Variants in IKZF2 observed in about 807,000 individuals in gnomAD.
IKZF2 encodes IKAROS family zinc finger 2.
Under a neutral mutation model 49.2 loss-of-function variants are expected in IKZF2, and 15 were observed. The observed-to-expected ratio is 0.30, with a 90% CI of 0.20 to 0.47. The LOEUF is 0.47. Among genes scored for constraint, IKZF2 ranks in the 20% least tolerant of loss-of-function variants. The probability of loss-of-function intolerance (pLI) is 1.00; values close to 1 mark genes in which losing one functional copy is unlikely to be tolerated. For synonymous variants in IKZF2, 227 were observed against 221.4 expected (o/e 1.03, Z -0.23); for missense variants, 567 against 664.6 (o/e 0.85, Z 1.61).
chr2:213,090,272 T>C (rs1705153057), intron 4 of IKZF2, among the ~76,000 whole-genome samples: 1 of 152,192 alleles, frequency 6.6e-6, no homozygotes. Flanking sequence ...GTGCGGCCAG[T>C]AGTAGAGAGT....
chr2:213,051,835 G>T (rs1449587738), intron 5 of IKZF2, among the ~76,000 whole-genome samples: 1 of 151,922 alleles, frequency 6.6e-6, no homozygotes, highest in Non-Finnish European at 1.5e-5. Context: ...TCCCAAGCAA[G>T]TAACAAATTC....
intron 4 of IKZF2, chr2:213,081,154 G>T (rs570214465): frequency 1.3e-5 from 2 of 154,630 alleles, no homozygotes; most frequent in African/African-American, 2.4e-5. Context: ...ATAGGAGGTA[G>T]TTCAGAAAGA....
At chr2:213,008,965 A>G (rs1456304503) in intron 8 of IKZF2, among the ~76,000 whole-genome samples, 3 of 152,164 alleles carry the variant, frequency 2.0e-5, no homozygotes, top group South Asian at 2.1e-4. Context: ...ATAAAAATGA[A>G]TGAAATGTAG....
chr2:213,126,409 T>A (rs751194907), intron 4 of IKZF2, among the ~76,000 whole-genome samples: 1 of 152,110 alleles, frequency 6.6e-6, no homozygotes, highest in South Asian at 2.1e-4. Context: ...TCCTAGGAGG[T>A]ACCGGTAATA....
intron 4 of IKZF2, among the ~76,000 whole-genome samples, chr2:213,122,779 T>A (rs190017090): frequency 3.9e-5 from 6 of 152,322 alleles, no homozygotes; most frequent in Non-Finnish European, 7.4e-5. Context: ...CTAGCCTAGA[T>A]AATCAAAAGA....
At chr2:213,148,479 C>G in intron 3 of IKZF2, 117 bp downstream of exon 3, 1 of 690,034 alleles carries the variant, frequency 1.4e-6, no homozygotes, top group East Asian at 2.7e-5. Flanking sequence ...AAATTGTGAA[C>G]AGAGAGAAAA....
intron 4 of IKZF2, among the ~76,000 whole-genome samples, chr2:213,128,498 A>G (rs867086694): frequency 5.9e-5 from 9 of 152,208 alleles, no homozygotes; most frequent in Non-Finnish European, 1.2e-4. Flanking sequence ...CCAGGACTCC[A>G]AACCAGGTCT....
chr2:213,137,047 C>T (rs2060702079), intron 4 of IKZF2, among the ~76,000 whole-genome samples: 1 of 152,030 alleles, frequency 6.6e-6, no homozygotes. Context: ...ATGCAAACAG[C>T]ATTACTATGA....
chr2:213,096,148 A>G (rs1048919490), intron 4 of IKZF2, among the ~76,000 whole-genome samples: 9 of 152,014 alleles, frequency 5.9e-5, no homozygotes, highest in African/African-American at 2.2e-4. Flanking sequence ...TCAAGAGAGC[A>G]TCATACTCTA....
chr2:213,002,574 A>C lies in IKZF2; in HGVS notation c.*4786T>G, dbSNP rs1260273117. The C allele has an allele frequency of 1.3e-5, 2 of 151,936 alleles. No individual in the cohort carries two copies. Among genetic ancestry groups the C allele is most frequent in the Non-Finnish European group, 3.0e-5 (2 of 67,604 alleles). 9.4% of individuals were successfully genotyped at this position (151,936 alleles called of 1,614,324 possible). On this transcript the variant is annotated 3_prime_UTR_variant, in exon 9 of 9. Coordinates refer to ENST00000434687, the MANE Select transcript of IKZF2 (RefSeq NM_001387220.1). ...TAACCAGCAGCTCATTTTTTTAAAA[A>C]GCTGTCATATCCTAACACACCCATT...
chr2:213,043,172 G>A (rs532364607), intron 6 of IKZF2, among the ~76,000 whole-genome samples: 1 of 130,908 alleles, frequency 7.6e-6, no homozygotes, highest in Non-Finnish European at 1.7e-5. Context: ...GATCATGCAA[G>A]GTAAATGAAA....
At chr2:213,047,470 G>A (rs932490621) in intron 6 of IKZF2, among the ~76,000 whole-genome samples, 2 of 152,054 alleles carry the variant, frequency 1.3e-5, no homozygotes, top group African/African-American at 4.8e-5. Context: ...AGGTAGAGGT[G>A]GCCACTCTAA....
At chr2:213,012,881 T>A (rs1175039493) in intron 8 of IKZF2, among the ~76,000 whole-genome samples, 1 of 152,060 alleles carries the variant, frequency 6.6e-6, no homozygotes, top group Non-Finnish European at 1.5e-5. Context: ...ATTTTTATCC[T>A]AATAGATATA....
intron 4 of IKZF2, among the ~76,000 whole-genome samples, chr2:213,083,982 G>C (rs1704278620): frequency 6.6e-6 from 1 of 151,982 alleles, no homozygotes; most frequent in African/African-American, 2.4e-5. Flanking sequence ...CTAACCCTCA[G>C]GCTGTGGAAA....
At chr2:213,141,700 AG>A (rs1018321288) in intron 4 of IKZF2, among the ~76,000 whole-genome samples, 107 of 152,022 alleles carry the variant, frequency 7.0e-4, no homozygotes, top group African/African-American at 2.5e-3. Flanking sequence ...GTAATAATCA[AG>A]ACACTAAGCT....
chr2:213,097,404 C>T (rs989184276), intron 4 of IKZF2, among the ~76,000 whole-genome samples: 2 of 152,030 alleles, frequency 1.3e-5, no homozygotes, highest in African/African-American at 4.8e-5. Flanking sequence ...ACCTGTATAA[C>T]ATATTACCAA....
chr2:213,149,103 AC>A (rs1158929338), intron 2 of IKZF2, among the ~76,000 whole-genome samples: 2 of 152,158 alleles, frequency 1.3e-5, no homozygotes, highest in Middle Eastern at 3.2e-3. Context: ...GGGAGGACAA[AC>A]AAACATAAGA....
At chr2:213,070,409 A>G (rs1389004383) in intron 4 of IKZF2, among the ~76,000 whole-genome samples, 3 of 151,990 alleles carry the variant, frequency 2.0e-5, no homozygotes, top group Admixed American at 2.0e-4. Flanking sequence ...ACATATTAAA[A>G]CTCCTGTTAC....
chr2:213,096,437 T>A (rs1198076419), intron 4 of IKZF2, among the ~76,000 whole-genome samples: 1 of 151,480 alleles, frequency 6.6e-6, no homozygotes, highest in Non-Finnish European at 1.5e-5. Flanking sequence ...TTCAAAAAAA[T>A]TTGAGATTTT....
Sources: gnomAD v4.1 joint callset for allele counts (sites outside exome capture counted in the v4.1 genomes callset) on GRCh38, gnomAD v4.1.1 for gene constraint, MANE v1.5 for transcripts, NCBI Gene and HGNC (gene_info 2026-07-23, HGNC 2026-07-21) for gene names.